STOML3: variants seen among roughly 807,000 people sequenced by gnomAD.
STOML3 encodes the protein stomatin-like protein 3.
A neutral mutation model predicts 29.5 loss-of-function variants in STOML3; 31 were observed. The observed-to-expected ratio is 1.05, with a 90% CI of 0.79 to 1.42. The LOEUF is 1.42. Ranked by LOEUF, STOML3 falls within the 40% of genes most tolerant of loss-of-function variation. STOML3 has a pLI of 0.00. For synonymous variants in STOML3, 122 were observed against 139.8 expected (o/e 0.87, Z 0.90); for missense variants, 380 against 363.0 (o/e 1.05, Z -0.38).
chr13:38,970,030 A>G (rs1283732223), intron 5 of STOML3, among the ~76,000 whole-genome samples, 155 bp downstream of exon 5: 1 of 152,254 alleles, frequency 6.6e-6, no homozygotes, highest in East Asian at 1.9e-4. Flanking sequence ...AAGTGAAATC[A>G]CAACTGAAGC....
At chr13:38,984,999 T>G (rs2138024389) in intron 1 of STOML3, among the ~76,000 whole-genome samples, 1 of 152,336 alleles carries the variant, frequency 6.6e-6, no homozygotes, top group Middle Eastern at 3.4e-3. Flanking sequence ...AAAGTCCTTG[T>G]ATAGAAATCA....
At position 38,970,639 on chromosome 13, in the gene STOML3, C is replaced by G. The variant is rs76237191; in HGVS notation, c.313-251G>C. Among the ~76,000 whole-genome samples, 606 of 152,276 alleles carry G rather than the reference C, an allele frequency of 4.0e-3. 5 individuals carry two copies. The highest frequency in any genetic ancestry group is 0.014 in the African/African-American group (577 of 41,546). On this transcript the variant is annotated intron_variant, in intron 4 of 6. Transcript: ENST00000379631. ...GCTTTTACATCCTATAGGCAGAAAC[C>G]CTTGACTTGACATGCTAAGAACAGG...
intron 3 of STOML3, among the ~76,000 whole-genome samples, chr13:38,975,322 G>A (rs149385837): frequency 6.9e-6 from 1 of 144,914 alleles, no homozygotes. Flanking sequence ...CTCTGTCTCA[G>A]AAAAAAAAAA....
Position 38,970,223 on chromosome 13 carries a change from T to C in STOML3, c.478A>G (p.Ile160Val). The stretch of plus-strand genomic sequence containing the variant: ...GCGATCTCTTCTCGTCCAGCTAAGA[T>C]CTGGGACAAGGTCTGTGTCCCTAAG... ...NVLGTQTLSQ[I>V]LAGREEIAHS... The change falls in exon 5 of 7, where the codon ATC becomes GTC. Residue 160 changes from isoleucine to valine, a missense_variant. Ile to Val is a conservative substitution (Grantham distance 29). Coordinates refer to ENST00000379631, the MANE Select transcript of STOML3 (RefSeq NM_145286.3). 1 of 1,614,032 alleles carries C rather than the reference T, an allele frequency of 6.2e-7. No homozygotes were observed. The highest frequency in any genetic ancestry group is 1.1e-5 in the South Asian group (1 of 91,082).
chr13:38,976,615 A>G lies in STOML3; in HGVS notation c.157-3T>C, dbSNP rs763497431. On this transcript the variant is annotated splice_region_variant and splice_polypyrimidine_tract_variant and intron_variant, in intron 2 of 6. Transcript: ENST00000379631. ...GCACGTTCATACTCCTTAATGATCT[A>G]GGAGATTAAGGGCGAACGTTTAGTC... The G allele has an allele frequency of 1.4e-5, 22 of 1,614,026 alleles. No individual in the cohort carries two copies. Among genetic ancestry groups the G allele is most frequent in the Non-Finnish European group, 1.8e-5 (21 of 1,180,036 alleles).
Position 38,990,828 on chromosome 13 carries a change from G to C in STOML3, c.-107C>G, listed in dbSNP as rs1167127487. On this transcript the variant is annotated 5_prime_UTR_variant, in exon 1 of 7. Coordinates refer to ENST00000379631, the MANE Select transcript of STOML3 (RefSeq NM_145286.3). ...TGCTTGGGAGAGGGGAGAGGAGAAA[G>C]TATGAGAGAGTGAAAGACATTCCTT... The C allele has an allele frequency of 1.6e-5, 15 of 939,764 alleles. No homozygotes were observed. The East Asian group carries it at 2.0e-4, about 12-fold the overall frequency. 58.2% of individuals were successfully genotyped at this position (939,764 alleles called of 1,614,324 possible). A position where few individuals can be genotyped will look rare whatever the true frequency, so the allele number is the denominator to read the frequency against.
At chr13:38,969,697 TATC>T (rs1185545166) in intron 5 of STOML3, among the ~76,000 whole-genome samples, 1 of 152,182 alleles carries the variant, frequency 6.6e-6, no homozygotes, top group African/African-American at 2.4e-5. Context: ...TCTTTATTGA[TATC>T]ATAATTATCA....
At chr13:38,985,352 G>A (rs1474699203) in intron 1 of STOML3, among the ~76,000 whole-genome samples, 1 of 152,126 alleles carries the variant, frequency 6.6e-6, no homozygotes. Flanking sequence ...GAAACCGGGA[G>A]GCAGAGTTTG....
At chr13:38,987,872 ATAT>A (rs1483963367) in intron 1 of STOML3, among the ~76,000 whole-genome samples, 3 of 75,022 alleles carry the variant, frequency 4.0e-5, no homozygotes, top group African/African-American at 2.2e-4. Context: ...TATATATAAT[ATAT>A]TATATTTTAT....
At chr13:38,975,321 A>G (rs138138672) in intron 3 of STOML3, among the ~76,000 whole-genome samples, 7 of 50,568 alleles carry the variant, frequency 1.4e-4, no homozygotes, top group African/African-American at 7.0e-4. Flanking sequence ...ACTCTGTCTC[A>G]GAAAAAAAAA....
In STOML3 at chr13:38,985,388, A is replaced by T. The variant is rs148402058; in HGVS notation, c.52+5282T>A. On this transcript the variant is annotated intron_variant, in intron 1 of 6. Transcript: ENST00000379631. The stretch of plus-strand genomic sequence containing the variant: ...CAATGAGCCGAGATCGCGCTACTGC[A>T]TTCCAGCCTGGGAAACAGAGCGAGA... Among the ~76,000 whole-genome samples, 936 of 152,298 alleles carry T rather than the reference A, an allele frequency of 6.1e-3. 7 individuals carry two copies. Among genetic ancestry groups the T allele is most frequent in the African/African-American group, 0.019 (791 of 41,556 alleles).
At chr13:38,986,036 T>TG (rs1868522266) in intron 1 of STOML3, among the ~76,000 whole-genome samples, 1 of 50,676 alleles carries the variant, frequency 2.0e-5, no homozygotes, top group East Asian at 5.8e-4. Context: ...ATTTACCTGG[T>TG]TTTTTTTTTT....
At chr13:38,983,534 T>C in intron 1 of STOML3, among the ~76,000 whole-genome samples, 1 of 152,236 alleles carries the variant, frequency 6.6e-6, no homozygotes, top group East Asian at 1.9e-4. Context: ...CAAGATTATG[T>C]AATAAAAGCT....
chr13:38,982,625 GGACCCCAAA>G (rs1282154536), intron 1 of STOML3, among the ~76,000 whole-genome samples: 1 of 151,960 alleles, frequency 6.6e-6, no homozygotes, highest in Non-Finnish European at 1.5e-5. Context: ...ATAAATCTTG[GGACCCCAAA>G]CTCATTAAGC....
chr13:38,977,383 TTA>T (rs1881118449), intron 1 of STOML3, among the ~76,000 whole-genome samples: 1 of 152,220 alleles, frequency 6.6e-6, no homozygotes, highest in South Asian at 2.1e-4. Context: ...GGGCTAGAAG[TTA>T]CCCGCCTTAG....
At chr13:38,987,262 C>T (rs1217480002) in intron 1 of STOML3, among the ~76,000 whole-genome samples, 2 of 152,152 alleles carry the variant, frequency 1.3e-5, no homozygotes, top group Non-Finnish European at 2.9e-5. Flanking sequence ...GTGGCTCATG[C>T]CTGTAATCCT....
At position 38,967,096 on chromosome 13, in the gene STOML3, T is replaced by C. The variant is rs376605113; in HGVS notation, c.652-47A>G. 3.2e-6 allele frequency: 5 copies of C among 1,543,348 alleles called. 1 individual carries two copies. The African/African-American group carries it at 5.5e-5, about 17-fold the overall frequency. On this transcript the variant is annotated intron_variant, in intron 6 of 6. Coordinates refer to ENST00000379631, the MANE Select transcript of STOML3 (RefSeq NM_145286.3). The stretch of plus-strand genomic sequence containing the variant: ...CGTTCAGAAATAAAAGTTTACACTA[T>C]AACTAGTTCTTTCTTTTTCTGGGTC...
chr13:38,977,686 A>G (rs1383052592), intron 1 of STOML3, among the ~76,000 whole-genome samples: 1 of 151,054 alleles, frequency 6.6e-6, no homozygotes, highest in Non-Finnish European at 1.5e-5. Flanking sequence ...TTAAAATCCT[A>G]CTTCAGCCAC....
chr13:38,980,255 C>G, intron 1 of STOML3: 1 of 899,228 alleles, frequency 1.1e-6, no homozygotes, highest in East Asian at 2.7e-5. Flanking sequence ...CATTAGCTGC[C>G]AGTTAAAGTG....
Sources: gnomAD v4.1 joint callset for allele counts (sites outside exome capture counted in the v4.1 genomes callset) on GRCh38, gnomAD v4.1.1 for gene constraint, MANE v1.5 for transcripts, NCBI Gene and HGNC (gene_info 2026-07-23, HGNC 2026-07-21) for gene names.